Variants in IL17C observed in about 807,000 individuals in gnomAD.
IL17C encodes the protein interleukin-17C.
Under a neutral mutation model 11.0 loss-of-function variants are expected in IL17C, and 13 were observed. The ratio of observed to expected loss-of-function variants is 1.18; its 90% confidence interval spans 0.77 to 1.88. The LOEUF (loss-of-function observed/expected upper bound fraction) is 1.88. Ranked by LOEUF, IL17C falls within the 40% of genes most tolerant of loss-of-function variation. The probability of loss-of-function intolerance (pLI) is 0.00; values close to 1 mark genes in which losing one functional copy is unlikely to be tolerated. For missense variants in IL17C, 357 were observed against 278.2 expected, an observed-to-expected ratio of 1.28 and a Z score of -2.01; for synonymous variants, 150 against 125.8, an observed-to-expected ratio of 1.19 and a Z score of -1.29.
rs780734145 is a variant in IL17C at position 88,638,657 on chromosome 16, T to C, written c.6+10T>C. The C allele has an allele frequency of 1.2e-6, 2 of 1,612,938 alleles. No homozygotes were observed. The highest frequency in any genetic ancestry group is 4.5e-5 in the East Asian group (2 of 44,872). On this transcript the variant is annotated intron_variant, in intron 1 of 2. Transcript: ENST00000244241. ...TGCCGCCACCATGACGGTGAGCCTC[T>C]CCACATGCCGCTCGGATGGATGCTG...
chr16:88,639,832 C>A lies in IL17C; in HGVS notation c.354C>A (p.Asp118Glu). 1 of 1,574,492 alleles carries A rather than the reference C, an allele frequency of 6.4e-7. No homozygotes were observed. The part of the protein sequence containing the change: ...PWRYRVDTDE[D>E]RYPQKLAFAE... ...CCCGCAGTGTGGACACGGATGAGGA[C>A]CGCTATCCACAGAAGCTGGCCTTCG... Residue 118 changes from aspartate (D) to glutamate (E), a missense_variant, in exon 3 of 3, where the codon GAC becomes GAA. By Grantham distance (45) the Asp-to-Glu change is conservative. Transcript: ENST00000244241. The surrounding 1 kb of genome is among the most constrained non-coding windows in gnomAD (Gnocchi z 5.1).
chr16:88,638,633 G>A lies in IL17C; in HGVS notation c.-9G>A, dbSNP rs766369248. The A allele has an allele frequency of 5.6e-6, 9 of 1,612,586 alleles. No individual in the cohort carries two copies. The African/African-American group carries it at 1.1e-4, about 19-fold the overall frequency. On this transcript the variant is annotated 5_prime_UTR_variant, in exon 1 of 3. Coordinates refer to ENST00000244241, the MANE Select transcript of IL17C (RefSeq NM_013278.4). ...CGCTCCAAGCCCAGCCTGCCCCGCT[G>A]CCGCCACCATGACGGTGAGCCTCTC...
At position 88,640,239 on chromosome 16, in the gene IL17C, C is replaced by T. The variant is rs1195550154; in HGVS notation, c.*167C>T. On this transcript the variant is annotated 3_prime_UTR_variant, in exon 3 of 3. Coordinates refer to ENST00000244241, the MANE Select transcript of IL17C (RefSeq NM_013278.4). Reference sequence around the variant, plus strand: ...CCCCCACTGTTCTCCTCATCTCCAGCCTCAGTAGTTGGGGGTAGAAGGAGC... The same window carrying T: ...CCCCCACTGTTCTCCTCATCTCCAGTCTCAGTAGTTGGGGGTAGAAGGAGC... 2.8e-6 allele frequency: 2 copies of T among 715,130 alleles called. No homozygotes were observed. The highest frequency in any genetic ancestry group is 5.9e-5 in the East Asian group (2 of 33,618). The allele number at this position is 715,130 out of a possible 1,614,324, so 44.3% of individuals were successfully genotyped here.
In IL17C at chr16:88,639,134, C is replaced by G; in HGVS notation, c.160C>G (p.Arg54Gly). Reference sequence around the variant, plus strand: ...CCAGGCCCCCCCACACCTGCTGGCTCGAGGTGCCAAGTGGGGGCAGGCTTT... The same window carrying G: ...CCAGGCCCCCCCACACCTGCTGGCTGGAGGTGCCAAGTGGGGGCAGGCTTT... ...LGQAPPHLLARGAKWGQALPV... is the reference protein window; with the variant it reads ...LGQAPPHLLAGGAKWGQALPV... Residue 54 changes from arginine to glycine, a missense_variant, in exon 2 of 3, where the codon CGA becomes GGA. Transcript: ENST00000244241. This position sits in a 1 kb window ranked among gnomAD's most constrained non-coding sequence, Gnocchi z 5.1. 2 of 1,613,038 alleles carry G rather than the reference C, an allele frequency of 1.2e-6. No homozygotes were observed. Among genetic ancestry groups the G allele is most frequent in the Non-Finnish European group, 8.5e-7 (1 of 1,179,950 alleles).
In IL17C at chr16:88,639,273, A is replaced by G; in HGVS notation, c.299A>G (p.Asp100Gly). 1 of 1,610,414 alleles carries G rather than the reference A, an allele frequency of 6.2e-7. No individual in the cohort carries two copies. The change falls in exon 2 of 3, where the codon GAC (aspartate) becomes GGC (glycine). Residue 100 changes from aspartate to glycine, a missense_variant. Physicochemically the swap from Asp to Gly is moderately conservative, Grantham distance 94 (BLOSUM62 -1). Transcript: ENST00000244241. This position sits in a 1 kb window ranked among gnomAD's most constrained non-coding sequence, Gnocchi z 5.1. Reference sequence around the variant, plus strand: ...CGGCCGGAGGAGGTGTTGGAGGCAGACACCCACCAGCGCTCCATCTCACCC... The same window carrying G: ...CGGCCGGAGGAGGTGTTGGAGGCAGGCACCCACCAGCGCTCCATCTCACCC... ...VLRPEEVLEA[D>G]THQRSISPWR...
In IL17C at chr16:88,639,034, T is replaced by C; in HGVS notation, c.60T>C (p.His20=). Residue 20 remains histidine, a synonymous_variant, in exon 2 of 3, where the codon CAT becomes CAC. Transcript: ENST00000244241. The surrounding 1 kb of genome is among the most constrained non-coding windows in gnomAD (Gnocchi z 5.1). ...LTWLHTCLAH[H]DPSLRGHPHS... is the part of the protein sequence containing the mutation. ...GGCTGCACACATGCCTGGCCCACCATGACCCCTCCCTCAGGGGGCACCCCC... is the reference window on the plus strand; with the variant it reads ...GGCTGCACACATGCCTGGCCCACCACGACCCCTCCCTCAGGGGGCACCCCC... The C allele has an allele frequency of 1.9e-6, 3 of 1,607,782 alleles. No individual in the cohort carries two copies. Among genetic ancestry groups the C allele is most frequent in the Non-Finnish European group, 2.6e-6 (3 of 1,176,446 alleles).
At position 88,639,058 on chromosome 16, in the gene IL17C, C is replaced by T. The variant is rs745959022; in HGVS notation, c.84C>T (p.Pro28=). The T allele has an allele frequency of 1.2e-6, 2 of 1,611,876 alleles. No individual in the cohort carries two copies. The highest frequency in any genetic ancestry group is 4.5e-5 in the East Asian group (2 of 44,866). Residue 28 remains proline (P), a synonymous_variant, in exon 2 of 3, where the codon CCC becomes CCT. Coordinates refer to ENST00000244241, the MANE Select transcript of IL17C (RefSeq NM_013278.4). This position sits in a 1 kb window ranked among gnomAD's most constrained non-coding sequence, Gnocchi z 5.1. The part of the protein sequence containing the change: ...AHHDPSLRGH[P]HSHGTPHCYS... The stretch of plus-strand genomic sequence containing the variant: ...ATGACCCCTCCCTCAGGGGGCACCC[C>T]CACAGTCACGGTACCCCACACTGCT...
In IL17C at chr16:88,639,247, G is replaced by A. The variant is rs746828575; in HGVS notation, c.273G>A (p.Leu91=). ...RPSATTQCPV[L]RPEEVLEADT... Reference sequence around the variant, plus strand: ...CAGCTACGACCCAGTGCCCGGTGCTGCGGCCGGAGGAGGTGTTGGAGGCAG... The same window carrying A: ...CAGCTACGACCCAGTGCCCGGTGCTACGGCCGGAGGAGGTGTTGGAGGCAG... The change falls in exon 2 of 3, where the codon CTG becomes CTA. Residue 91 remains leucine, a synonymous_variant. Transcript: ENST00000244241. The surrounding 1 kb of genome is among the most constrained non-coding windows in gnomAD (Gnocchi z 5.1). 14 of 1,612,150 alleles carry A rather than the reference G, an allele frequency of 8.7e-6. No homozygotes were observed. The East Asian group carries it at 3.1e-4, about 36-fold the overall frequency.
rs186437605 is a variant in IL17C at position 88,640,256 on chromosome 16, A to G, written c.*184A>G. 4.4e-4 allele frequency: 277 copies of G among 626,656 alleles called. No individual in the cohort carries two copies. In the African/African-American group the frequency reaches 4.6e-3, roughly 10 times the overall value. The allele number at this position is 626,656 out of a possible 1,614,324, so 38.8% of individuals were successfully genotyped here. ...ATCTCCAGCCTCAGTAGTTGGGGGT[A>G]GAAGGAGCTCAGCACCTCTTCCAGC... On this transcript the variant is annotated 3_prime_UTR_variant, in exon 3 of 3. Coordinates refer to ENST00000244241, the MANE Select transcript of IL17C (RefSeq NM_013278.4).
In IL17C at chr16:88,638,636, G is replaced by A. The variant is rs370317867; in HGVS notation, c.-6G>A. The A allele has an allele frequency of 3.9e-5, 63 of 1,612,604 alleles. No homozygotes were observed. The highest frequency in any genetic ancestry group is 1.7e-4 in the African/African-American group (13 of 74,890). The stretch of plus-strand genomic sequence containing the variant: ...TCCAAGCCCAGCCTGCCCCGCTGCC[G>A]CCACCATGACGGTGAGCCTCTCCAC... On this transcript the variant is annotated 5_prime_UTR_variant, in exon 1 of 3. Coordinates refer to ENST00000244241, the MANE Select transcript of IL17C (RefSeq NM_013278.4).
In IL17C at chr16:88,640,108, G is replaced by C; in HGVS notation, c.*36G>C. ...CGTGGGGCCCCTAGACTGGACACGT[G>C]TGCTCCCCAGAGGGCACCCCCTATT... On this transcript the variant is annotated 3_prime_UTR_variant, in exon 3 of 3. Transcript: ENST00000244241. 1 of 1,516,408 alleles carries C rather than the reference G, an allele frequency of 6.6e-7. No individual in the cohort carries two copies. 93.9% of individuals were successfully genotyped at this position (1,516,408 alleles called of 1,614,324 possible).
rs184915496 is a variant in IL17C at position 88,639,121 on chromosome 16, A to T, written c.147A>T (p.Pro49=). The T allele has an allele frequency of 8.1e-5, 130 of 1,612,732 alleles. No homozygotes were observed. The highest frequency in any genetic ancestry group is 1.1e-4 in the Non-Finnish European group (124 of 1,179,840). Residue 49 remains proline (P), a synonymous_variant, in exon 2 of 3, where the codon CCA becomes CCT. Transcript: ENST00000244241. The surrounding 1 kb of genome is among the most constrained non-coding windows in gnomAD (Gnocchi z 5.1). ...AEELPLGQAP[P]HLLARGAKWG... ...AACTGCCCCTCGGCCAGGCCCCCCC[A>T]CACCTGCTGGCTCGAGGTGCCAAGT...
intron 1 of IL17C, 89 bp from the exon 2 acceptor site, chr16:88,638,892 T>C (rs571459617): frequency 4.5e-6 from 6 of 1,320,068 alleles, no homozygotes; most frequent in South Asian, 1.4e-5. Flanking sequence ...GTACTCCATC[T>C]TTCCGCTGGG....
Position 88,639,760 on chromosome 16 carries a change from G to C in IL17C, c.336-54G>C, listed in dbSNP as rs1208603571. On this transcript the variant is annotated intron_variant, in intron 2 of 2. Transcript: ENST00000244241. The surrounding 1 kb of genome is among the most constrained non-coding windows in gnomAD (Gnocchi z 5.1). ...GGAGAGGGGCCCTGAGGGGAGAGGG[G>C]CCTCCAGGAGGACAGGGTAGGGCCA... The C allele has an allele frequency of 1.4e-6, 2 of 1,468,056 alleles. No homozygotes were observed. The highest frequency in any genetic ancestry group is 1.8e-6 in the Non-Finnish European group (2 of 1,107,452). The allele number at this position is 1,468,056 out of a possible 1,614,324, so 90.9% of individuals were successfully genotyped here.
intron 1 of IL17C, 125 bp downstream of exon 1, chr16:88,638,772 G>T (rs896860460): frequency 1.4e-6 from 2 of 1,448,600 alleles, no homozygotes; most frequent in Non-Finnish European, 1.9e-6. Flanking sequence ...CCCTCAGTCT[G>T]GGGGTAGGGG....
At position 88,638,635 on chromosome 16, in the gene IL17C, C is replaced by A. The variant is rs201867947; in HGVS notation, c.-7C>A. ...CTCCAAGCCCAGCCTGCCCCGCTGC[C>A]GCCACCATGACGGTGAGCCTCTCCA... On this transcript the variant is annotated 5_prime_UTR_variant, in exon 1 of 3. Transcript: ENST00000244241. 1.9e-6 allele frequency: 3 copies of A among 1,612,734 alleles called. No individual in the cohort carries two copies. In the South Asian group the frequency reaches 3.3e-5, roughly 18 times the overall value.
Position 88,639,923 on chromosome 16 carries a change from G to T in IL17C, c.445G>T (p.Val149Leu). The change falls in exon 3 of 3, where the codon GTG becomes TTG. Residue 149 changes from valine (V) to leucine (L), a missense_variant. Val to Leu is a conservative substitution (Grantham distance 32). Coordinates refer to ENST00000244241, the MANE Select transcript of IL17C (RefSeq NM_013278.4). This position sits in a 1 kb window ranked among gnomAD's most constrained non-coding sequence, Gnocchi z 5.1. ...CCGCGAGACAGCTGCGCTCAACTCC[G>T]TGCGGCTGCTCCAGAGCCTGCTGGT... ...TGRETAALNS[V>L]RLLQSLLVLR... The T allele has an allele frequency of 6.2e-7, 1 of 1,610,392 alleles. No individual in the cohort carries two copies. The highest frequency in any genetic ancestry group is 8.5e-7 in the Non-Finnish European group (1 of 1,179,484).
chr16:88,638,654 C>T lies in IL17C; in HGVS notation c.6+7C>T. On this transcript the variant is annotated splice_region_variant and intron_variant, in intron 1 of 2. Transcript: ENST00000244241. ...CGCTGCCGCCACCATGACGGTGAGCCTCTCCACATGCCGCTCGGATGGATG... is the reference window on the plus strand; with the variant it reads ...CGCTGCCGCCACCATGACGGTGAGCTTCTCCACATGCCGCTCGGATGGATG... 1.2e-6 allele frequency: 2 copies of T among 1,613,016 alleles called. No homozygotes were observed. The highest frequency in any genetic ancestry group is 1.7e-6 in the Non-Finnish European group (2 of 1,180,022).
chr16:88,640,344 G>A lies in IL17C; in HGVS notation c.*272G>A, dbSNP rs939830448. ...TACCTTGGCTCCCTGTCCTGCTCCC[G>A]GCTTCCCTTACCCTATCACTGGCCT... On this transcript the variant is annotated 3_prime_UTR_variant, in exon 3 of 3. Coordinates refer to ENST00000244241, the MANE Select transcript of IL17C (RefSeq NM_013278.4). The A allele has an allele frequency of 2.8e-5, 12 of 430,728 alleles. No individual in the cohort carries two copies. The highest frequency in any genetic ancestry group is 4.0e-5 in the Admixed American group (1 of 25,104). The allele number at this position is 430,728 out of a possible 1,614,324, so 26.7% of individuals were successfully genotyped here.
Sources: allele counts gnomAD v4.1 joint callset, GRCh38; gene constraint gnomAD v4.1.1; non-coding constraint Gnocchi (gnomAD v3.1); transcripts MANE v1.5; gene names NCBI Gene and HGNC (gene_info 2026-07-23, HGNC 2026-07-21).